KIF13A: variants seen among roughly 807,000 people sequenced by gnomAD.
The protein encoded by KIF13A is kinesin-like protein KIF13A.
KIF13A carries 79 observed loss-of-function variants against 212.2 expected under a neutral mutation model. The ratio of observed to expected loss-of-function variants is 0.37; its 90% confidence interval spans 0.31 to 0.45. The LOEUF (loss-of-function observed/expected upper bound fraction) is 0.45. Ranked by LOEUF, KIF13A falls within the 20% of genes least tolerant of loss-of-function variation. KIF13A has a pLI of 1.00. For synonymous variants in KIF13A, 789 were observed against 808.6 expected (o/e 0.98, Z 0.41); for missense variants, 1,901 against 2,209.0 (o/e 0.86, Z 2.79).
intron 9 of KIF13A, among the ~76,000 whole-genome samples, chr6:17,846,517 T>G (rs568396151): frequency 4.0e-4 from 60 of 148,166 alleles, no homozygotes; most frequent in Admixed American, 6.9e-5. Flanking sequence ...CCTATAACCC[T>G]AGCACTTTGG....
intron 31 of KIF13A, among the ~76,000 whole-genome samples, chr6:17,780,442 C>T (rs1760461118): frequency 6.6e-6 from 1 of 152,230 alleles, no homozygotes; most frequent in Non-Finnish European, 1.5e-5. Context: ...GGCACTTAAT[C>T]TCTCAGCCTC....
Position 17,899,485 on chromosome 6 carries a change from G to A in KIF13A, c.147-1305C>T, listed in dbSNP as rs1167454623. Reference sequence around the variant, plus strand: ...GGTGCGACACTCCTTACAGAGCTCTGAGGGACTCGAACAAAACTGAGAGCT... The same window carrying A: ...GGTGCGACACTCCTTACAGAGCTCTAAGGGACTCGAACAAAACTGAGAGCT... On this transcript the variant is annotated intron_variant, in intron 2 of 38. Transcript: ENST00000259711. This position sits in a 1 kb window ranked among gnomAD's most constrained non-coding sequence, Gnocchi z 5.2. 1.3e-5 allele frequency among the ~76,000 whole-genome samples: 2 copies of A among 152,160 alleles called. No homozygotes were observed. The highest frequency in any genetic ancestry group is 6.5e-5 in the Admixed American group (1 of 15,272).
intron 7 of KIF13A, among the ~76,000 whole-genome samples, chr6:17,851,338 C>T (rs1767626592): frequency 6.6e-6 from 1 of 152,204 alleles, no homozygotes; most frequent in African/African-American, 2.4e-5. Context: ...CCACAAACAG[C>T]ACAAAGTAAG....
intron 31 of KIF13A, among the ~76,000 whole-genome samples, chr6:17,780,200 A>G (rs1760434808): frequency 6.6e-6 from 1 of 152,202 alleles, no homozygotes; most frequent in South Asian, 2.1e-4. Context: ...GAATTTGACT[A>G]CAGAATCTGC....
intron 22 of KIF13A, among the ~76,000 whole-genome samples, chr6:17,798,569 A>G (rs1367704549): frequency 6.6e-6 from 1 of 152,208 alleles, no homozygotes; most frequent in Non-Finnish European, 1.5e-5. Context: ...AGAAAGAATA[A>G]GCATGATTTG....
At chr6:17,795,997 C>T (rs1202753526) in intron 23 of KIF13A, among the ~76,000 whole-genome samples, 2 of 152,076 alleles carry the variant, frequency 1.3e-5, no homozygotes, top group Non-Finnish European at 2.9e-5. Flanking sequence ...TGATTTTTCT[C>T]CACATAGAGA....
In KIF13A at chr6:17,816,757, T is replaced by TGTCTAACCC. The variant is rs1392830682; in HGVS notation, c.2000+254_2000+262dup. On this transcript the variant is annotated intron_variant, in intron 17 of 38. Coordinates refer to ENST00000259711, the MANE Select transcript of KIF13A (RefSeq NM_022113.6). This position sits in a 1 kb window ranked among gnomAD's most constrained non-coding sequence, Gnocchi z 4.3. Reference sequence around the variant, plus strand: ...AACTTTCTAAATTTCAATACATACCTGTCTAACCCTTGCAACTTGGCACCA... The same window carrying TGTCTAACCC: ...AACTTTCTAAATTTCAATACATACCTGTCTAACCCGTCTAACCCTTGCAACTTGGCACCA... Among the ~76,000 whole-genome samples the TGTCTAACCC allele has an allele frequency of 6.6e-6, 1 of 152,246 alleles. No homozygotes were observed. The highest frequency in any genetic ancestry group is 1.9e-4 in the East Asian group (1 of 5,198).
Position 17,783,677 on chromosome 6 carries a change from G to A in KIF13A, c.3513C>T (p.Thr1171=), listed in dbSNP as rs1159578575. ...ADWIPPPGME[T]HIPVLFLDLN... ...AATCGAGGAAGAGAACTGGTATGTG[G>A]GTTTCCATTCCAGGAGGTGGGATCC... The change falls in exon 29 of 39, where the codon ACC becomes ACT. Residue 1171 remains threonine (T), a synonymous_variant. Transcript: ENST00000259711. This position sits in a 1 kb window ranked among gnomAD's most constrained non-coding sequence, Gnocchi z 4.3. 2 of 1,581,518 alleles carry A rather than the reference G, an allele frequency of 1.3e-6. No individual in the cohort carries two copies. The highest frequency in any genetic ancestry group is 1.3e-5 in the African/African-American group (1 of 74,308).
intron 2 of KIF13A, among the ~76,000 whole-genome samples, chr6:17,955,118 C>T (rs532266966): frequency 1.3e-5 from 2 of 152,290 alleles, no homozygotes; most frequent in South Asian, 2.1e-4. Flanking sequence ...ATGTGAGCCA[C>T]GGCACCTGGC....
chr6:17,865,657 C>CA (rs1182788902), intron 4 of KIF13A, among the ~76,000 whole-genome samples: 1 of 152,106 alleles, frequency 6.6e-6, no homozygotes, highest in Non-Finnish European at 1.5e-5. Flanking sequence ...GTTAAATGAC[C>CA]AAAAACTACA....
At chr6:17,972,625 C>G (rs535578178) in intron 2 of KIF13A, among the ~76,000 whole-genome samples, 1 of 152,272 alleles carries the variant, frequency 6.6e-6, no homozygotes, top group African/African-American at 2.4e-5. Flanking sequence ...TCAACACTCG[C>G]AACAGATGCC....
chr6:17,780,328 T>G (rs1760448118), intron 31 of KIF13A, among the ~76,000 whole-genome samples: 1 of 152,202 alleles, frequency 6.6e-6, no homozygotes. Flanking sequence ...GAGGATCAGT[T>G]TCACTGACAG....
chr6:17,792,524 C>T (rs980928573), intron 25 of KIF13A, among the ~76,000 whole-genome samples: 4 of 152,172 alleles, frequency 2.6e-5, no homozygotes, highest in East Asian at 1.9e-4. Flanking sequence ...TGTTCTCTTT[C>T]GACCGTGCAG....
rs149719669 is a variant in KIF13A, at chr6:17,779,236, CAT to C, written c.3940-139_3940-138del. 1.3e-3 allele frequency: 324 copies of C among 254,878 alleles called. 3 individuals are homozygous for C. In the African/African-American group the frequency reaches 0.014, roughly 11 times the overall value. 15.8% of individuals were successfully genotyped at this position (254,878 alleles called of 1,614,324 possible). A position where few individuals can be genotyped will look rare whatever the true frequency, so the allele number is the denominator to read the frequency against. On this transcript the variant is annotated intron_variant, in intron 32 of 38. Transcript: ENST00000259711. ...TAGATACTGATATTTTTTAAAGTAGCATATATATATATATATATATATTTTTT... is the reference window on the plus strand; with the variant it reads ...TAGATACTGATATTTTTTAAAGTAGCATATATATATATATATATATTTTTT...
At chr6:17,857,124 TTTTATG>T (rs140145722) in intron 4 of KIF13A, among the ~76,000 whole-genome samples, 8,096 of 152,218 alleles carry the variant, frequency 0.053, 543 homozygotes, top group African/African-American at 0.16. Flanking sequence ...GAGCTTTTGG[TTTTATG>T]TTTTTCTTTT....
intron 9 of KIF13A, among the ~76,000 whole-genome samples, chr6:17,841,554 C>T (rs894899316): frequency 1.3e-5 from 2 of 152,130 alleles, no homozygotes; most frequent in Admixed American, 1.3e-4. Flanking sequence ...ATGTAAGCAG[C>T]AGCAGCAGAG....
At chr6:17,878,449 T>C (rs1408378783) in intron 3 of KIF13A, among the ~76,000 whole-genome samples, 2 of 151,486 alleles carry the variant, frequency 1.3e-5, no homozygotes, top group Non-Finnish European at 2.9e-5. Context: ...TTTTTTTTCA[T>C]TTTTGTTTTC....
At chr6:17,986,870 TGGA>T (rs1221936980) in intron 2 of KIF13A, among the ~76,000 whole-genome samples, 181 bp downstream of exon 2, 1 of 152,046 alleles carries the variant, frequency 6.6e-6, no homozygotes, top group Non-Finnish European at 1.5e-5. Flanking sequence ...CCGCTCTAGA[TGGA>T]GGAGAAGGGG....
intron 2 of KIF13A, chr6:17,950,883 G>C (rs757244806): frequency 2.0e-6 from 2 of 983,114 alleles, no homozygotes; most frequent in Non-Finnish European, 2.4e-6. Flanking sequence ...TAAATGTGTG[G>C]GATAATTAGA....
Sources: gnomAD v4.1 joint callset for allele counts (sites outside exome capture counted in the v4.1 genomes callset) on GRCh38, gnomAD v4.1.1 for gene constraint, Gnocchi (gnomAD v3.1) non-coding constraint, MANE v1.5 for transcripts, NCBI Gene and HGNC (gene_info 2026-07-23, HGNC 2026-07-21) for gene names.